Variants in PRR16 observed in about 807,000 individuals in gnomAD.
PRR16 encodes protein Largen.
A neutral mutation model predicts 18.2 loss-of-function variants in PRR16; 6 were observed. The observed-to-expected ratio is 0.33, with a 90% CI of 0.18 to 0.65. The LOEUF is 0.65. PRR16 is among the 30% of genes least tolerant of loss of function. The pLI is 0.74. For synonymous variants in PRR16, 151 were observed against 147.8 expected, an observed-to-expected ratio of 1.02 and a Z score of -0.16; for missense variants, 412 against 376.6, an observed-to-expected ratio of 1.09 and a Z score of -0.78.
At chr5:120,736,836 C>T in the PRR16 span, among the ~76,000 whole-genome samples, 1 of 151,790 alleles carries the variant, frequency 6.6e-6, no homozygotes, top group Non-Finnish European at 1.5e-5. Context: ...ATACTTTATC[C>T]TTTTGTGTTC....
At chr5:120,706,984 G>A in the PRR16 span, among the ~76,000 whole-genome samples, 1 of 152,072 alleles carries the variant, frequency 6.6e-6, no homozygotes, top group Admixed American at 6.5e-5. Context: ...TATCTTTTTT[G>A]ATGATTACAT....
At chr5:120,735,663 T>TTTGTTA in the PRR16 span, among the ~76,000 whole-genome samples, 1 of 151,530 alleles carries the variant, frequency 6.6e-6, no homozygotes, top group Non-Finnish European at 1.5e-5. Context: ...TACTCATATT[T>TTTGTTA]TTGTTGTTGT....
At chr5:120,575,318 AACAC>A (rs3047956) in intron 1 of PRR16, among the ~76,000 whole-genome samples, 229 of 138,250 alleles carry the variant, frequency 1.7e-3, no homozygotes, top group Non-Finnish European at 2.6e-3. Context: ...CAGACAAGGA[AACAC>A]ACACACACAC....
At chr5:120,473,457 C>G (rs534572746) in intron 1 of PRR16, among the ~76,000 whole-genome samples, 1 of 152,162 alleles carries the variant, frequency 6.6e-6, no homozygotes, top group East Asian at 1.9e-4. Context: ...TATTTAATTT[C>G]TCTCTGTTTT....
intron 1 of PRR16, among the ~76,000 whole-genome samples, chr5:120,539,557 G>A (rs773970631): frequency 6.6e-5 from 10 of 151,874 alleles, no homozygotes; most frequent in African/African-American, 1.7e-4. Context: ...ACAACCTATC[G>A]GGTATTATAC....
intron 1 of PRR16, among the ~76,000 whole-genome samples, chr5:120,486,147 T>C (rs1166954335): frequency 1.3e-5 from 2 of 152,198 alleles, no homozygotes; most frequent in Non-Finnish European, 2.9e-5. Flanking sequence ...TGATTTATAA[T>C]CCTTTGGGTA....
the PRR16 span, among the ~76,000 whole-genome samples, chr5:120,739,584 G>A: frequency 6.6e-6 from 1 of 152,138 alleles, no homozygotes; most frequent in Non-Finnish European, 1.5e-5. Flanking sequence ...TACTTAGATA[G>A]TTTTAACAAA....
the PRR16 span, among the ~76,000 whole-genome samples, chr5:120,748,174 G>A: frequency 2.6e-5 from 4 of 151,962 alleles, no homozygotes; most frequent in African/African-American, 9.7e-5. Context: ...GCAAAATACT[G>A]AAATAGGAAA....
intron 1 of PRR16, among the ~76,000 whole-genome samples, chr5:120,640,432 A>G (rs772345048): frequency 1.3e-5 from 2 of 152,160 alleles, no homozygotes; most frequent in Non-Finnish European, 2.9e-5. Context: ...GAGAAACATG[A>G]GCCACGCACA....
chr5:120,496,416 A>C (rs923489891), intron 1 of PRR16, among the ~76,000 whole-genome samples: 1 of 152,060 alleles, frequency 6.6e-6, no homozygotes, highest in South Asian at 2.1e-4. Context: ...TATTTATTTC[A>C]TATTGGATAT....
chr5:120,543,470 G>C (rs1007291439), intron 1 of PRR16, among the ~76,000 whole-genome samples: 18 of 152,106 alleles, frequency 1.2e-4, no homozygotes, highest in Non-Finnish European at 1.6e-4. Context: ...AGATATTGCA[G>C]TGTAACTGGA....
Position 120,492,091 on chromosome 5 carries a change from C to CTT in PRR16, c.159+27459_159+27460dup, listed in dbSNP as rs751508483. 6.9e-4 allele frequency among the ~76,000 whole-genome samples: 94 copies of CTT among 135,800 alleles called. 1 individual carries two copies. Among genetic ancestry groups the CTT allele is most frequent in the East Asian group, 2.1e-3 (10 of 4,760 alleles). The allele number at this position is 135,800 out of a possible 152,430, so 89.1% of individuals were successfully genotyped here. A position where few individuals can be genotyped will look rare whatever the true frequency, so the allele number is the denominator to read the frequency against. Reference sequence around the variant, plus strand: ...TTACTGTTTTTTATTTGTTTGTTTTCTTTTTTTTTTTTTTGAGACAGCACC... The same window carrying CTT: ...TTACTGTTTTTTATTTGTTTGTTTTCTTTTTTTTTTTTTTTTGAGACAGCACC... On this transcript the variant is annotated intron_variant, in intron 1 of 1. Coordinates refer to ENST00000407149, the MANE Select transcript of PRR16 (RefSeq NM_001300783.2).
At chr5:120,626,493 C>T (rs1450773665) in intron 1 of PRR16, among the ~76,000 whole-genome samples, 4 of 152,114 alleles carry the variant, frequency 2.6e-5, no homozygotes, top group Non-Finnish European at 4.4e-5. Context: ...GGATCTTTTG[C>T]AGGCTATGAA....
intron 1 of PRR16, among the ~76,000 whole-genome samples, chr5:120,572,209 C>T (rs1350369928): frequency 6.6e-6 from 1 of 152,140 alleles, no homozygotes; most frequent in Non-Finnish European, 1.5e-5. Flanking sequence ...ACAGCCCACC[C>T]AAATTCCATG....
At chr5:120,506,388 A>C (rs1750646847) in intron 1 of PRR16, among the ~76,000 whole-genome samples, 1 of 152,144 alleles carries the variant, frequency 6.6e-6, no homozygotes, top group Non-Finnish European at 1.5e-5. Flanking sequence ...AATAAATAAA[A>C]ATCTGTTAGA....
chr5:120,659,190 A>G (rs1463969569), intron 1 of PRR16, among the ~76,000 whole-genome samples: 1 of 151,978 alleles, frequency 6.6e-6, no homozygotes, highest in Non-Finnish European at 1.5e-5. Context: ...TGATTCCAGG[A>G]CCTAGTAGTT....
chr5:120,631,826 T>C (rs532199300), intron 1 of PRR16, among the ~76,000 whole-genome samples: 1 of 152,232 alleles, frequency 6.6e-6, no homozygotes, highest in East Asian at 1.9e-4. Flanking sequence ...CTGAGAATCC[T>C]GAATACTTAA....
chr5:120,718,451 CCT>C, the PRR16 span, among the ~76,000 whole-genome samples: 2 of 151,984 alleles, frequency 1.3e-5, no homozygotes, highest in Non-Finnish European at 2.9e-5. Flanking sequence ...AGTCATTGCC[CCT>C]GTTATAGATA....
intron 1 of PRR16, among the ~76,000 whole-genome samples, chr5:120,476,694 C>T (rs1033826025): frequency 6.6e-6 from 1 of 152,022 alleles, no homozygotes; most frequent in Non-Finnish European, 1.5e-5. Context: ...TCATTGTTTT[C>T]TCTCTCCCCT....
Sources: gnomAD v4.1 joint callset for allele counts (sites outside exome capture counted in the v4.1 genomes callset) on GRCh38, gnomAD v4.1.1 for gene constraint, MANE v1.5 for transcripts, NCBI Gene and HGNC (gene_info 2026-07-23, HGNC 2026-07-21) for gene names.